TBX1: variants seen among roughly 807,000 people sequenced by gnomAD.
TBX1 encodes T-box transcription factor 1.
TBX1 carries 16 observed loss-of-function variants against 40.8 expected under a neutral mutation model. The ratio of observed to expected loss-of-function variants is 0.39; its 90% CI spans 0.27 to 0.60. The LOEUF (loss-of-function observed/expected upper bound fraction) is 0.60. Ranked by LOEUF, TBX1 falls within the 20% of genes least tolerant of loss-of-function variation. TBX1 has a pLI of 0.51. For synonymous variants in TBX1, 403 were observed against 336.8 expected (o/e 1.20, Z -2.15); for missense variants, 755 against 728.5 (o/e 1.04, Z -0.42).
downstream of TBX1, among the ~76,000 whole-genome samples, chr22:19,768,212 T>A (rs746066692): frequency 6.6e-6 from 1 of 152,218 alleles, no homozygotes; most frequent in Non-Finnish European, 1.5e-5. Flanking sequence ...TCCCAGTGTG[T>A]TTGTGGCAAC....
chr22:19,760,386 G>C (rs1159455435), upstream of TBX1, among the ~76,000 whole-genome samples: 1 of 149,770 alleles, frequency 6.7e-6, no homozygotes, highest in African/African-American at 2.4e-5. Context: ...AGAAACTACA[G>C]AGATAGGGGA....
chr22:19,772,540 T>C (rs1221776335), intron 8 of TBX1, among the ~76,000 whole-genome samples: 1 of 152,182 alleles, frequency 6.6e-6, no homozygotes, highest in Non-Finnish European at 1.5e-5. Flanking sequence ...CCTCTTGAAC[T>C]CTTGGCCTCA....
Position 19,765,713 on chromosome 22 carries a change from A to C in TBX1, c.868-45A>C, listed in dbSNP as rs780894151. The C allele has an allele frequency of 1.9e-6, 3 of 1,606,970 alleles. No individual in the cohort carries two copies. The African/African-American group carries it at 4.0e-5, about 22-fold the overall frequency. On this transcript the variant is annotated intron_variant, in intron 4 of 6. Transcript: ENST00000649276. ...ATCCTCCGCCGAGGTCGGGTGGCCC[A>C]GGCTGCAGGGCTCCAGCGGCTTGCT... is the stretch of plus-strand genomic sequence containing the variant.
intron 8 of TBX1, among the ~76,000 whole-genome samples, chr22:19,773,590 C>G (rs1283678385): frequency 2.0e-5 from 3 of 152,208 alleles, no homozygotes; most frequent in Non-Finnish European, 2.9e-5. Context: ...GAGCCCATGC[C>G]CAGTCACTGC....
chr22:19,774,956 T>C (rs1162618052), intron 8 of TBX1, among the ~76,000 whole-genome samples: 1 of 152,190 alleles, frequency 6.6e-6, no homozygotes, highest in Non-Finnish European at 1.5e-5. Context: ...ACATTCTTTA[T>C]TTTTTGTAGA....
chr22:19,777,136 G>T (rs1937077975), intron 8 of TBX1, among the ~76,000 whole-genome samples: 1 of 152,018 alleles, frequency 6.6e-6, no homozygotes, highest in African/African-American at 2.4e-5. Flanking sequence ...ATGTATACAT[G>T]TGCCATGTTG....
Position 19,764,923 on chromosome 22 carries a change from C to T in TBX1, c.712-35C>T, listed in dbSNP as rs763505950. Reference sequence around the variant, plus strand: ...CCACCCCAGATCCTCAGCCCAGCCCCACCGCTGGAGCTGATTCCCCACCTT... The same window carrying T: ...CCACCCCAGATCCTCAGCCCAGCCCTACCGCTGGAGCTGATTCCCCACCTT... On this transcript the variant is annotated intron_variant, in intron 3 of 6. Coordinates refer to ENST00000649276, the MANE Select transcript of TBX1 (RefSeq NM_001379200.1). 9 of 1,613,220 alleles carry T rather than the reference C, an allele frequency of 5.6e-6. No homozygotes were observed. In the African/African-American group the frequency reaches 6.7e-5, roughly 12 times the overall value.
downstream of TBX1, among the ~76,000 whole-genome samples, chr22:19,780,007 G>A (rs1241313746): frequency 2.6e-5 from 4 of 152,212 alleles, no homozygotes; most frequent in Admixed American, 1.3e-4. Context: ...TAAAATTGAC[G>A]TATTTATTGT....
intron 2 of TBX1, 31 bp from the exon 3 acceptor site, chr22:19,764,124 A>G: frequency 6.2e-7 from 1 of 1,611,846 alleles, no homozygotes; most frequent in Non-Finnish European, 8.5e-7. Flanking sequence ...GTTCACCTCC[A>G]CATGCACGAC....
downstream of TBX1, among the ~76,000 whole-genome samples, chr22:19,780,730 A>G (rs1224856981): frequency 1.4e-5 from 2 of 141,634 alleles, no homozygotes; most frequent in East Asian, 4.2e-4. Flanking sequence ...TTACATTCCC[A>G]CCAATAGCGC....
chr22:19,766,826 G>T lies in TBX1; in HGVS notation c.1474G>T (p.Gly492Ter), dbSNP rs541198585. 1 of 1,558,754 alleles carries T rather than the reference G, an allele frequency of 6.4e-7. No individual in the cohort carries two copies. The highest frequency in any genetic ancestry group is 1.1e-5 in the South Asian group (1 of 87,250). The change falls in exon 7 of 7, where the codon GGA (glycine) becomes TGA (stop). Residue 492 changes from glycine to a stop codon, truncating the protein, a stop_gained. Transcript: ENST00000649276. LOFTEE classifies it high-confidence loss of function. The part of the protein sequence containing the change: ...AAAANMYSSA[G>*]AAPPGSYDYC... ...GGCCGCCAACATGTACTCGTCGGCC[G>T]GAGCCGCGCCGCCCGGCTCCTACGA...
rs189300213 is a variant in TBX1, at chr22:19,777,111, G to A, written c.1010-2109G>A. ...GTTTTAGGGTACATGTGCACAACAT[G>A]CAGGTTTGTTACATATGTATACATG... On this transcript the variant is annotated intron_variant, in intron 8 of 8. Coordinates refer to the TBX1 transcript ENST00000329705. Among the ~76,000 whole-genome samples the A allele has an allele frequency of 6.5e-3, 995 of 152,066 alleles. 6 individuals are homozygous for A. The highest frequency in any genetic ancestry group is 0.015 in the African/African-American group (625 of 41,464).
At chr22:19,771,396 C>T (rs778481218), downstream of TBX1, among the ~76,000 whole-genome samples, 4 of 152,212 alleles carry the variant, frequency 2.6e-5, no homozygotes, top group Non-Finnish European at 4.4e-5. Flanking sequence ...GATGAAACTC[C>T]GGAGACTCAG....
upstream of TBX1, among the ~76,000 whole-genome samples, chr22:19,759,256 G>C (rs186890519): frequency 4.6e-5 from 7 of 152,236 alleles, no homozygotes; most frequent in Non-Finnish European, 8.8e-5. Flanking sequence ...AGGGGGCAGG[G>C]AGCTTGGAAA....
At chr22:19,758,368 G>T (rs41299451), upstream of TBX1, among the ~76,000 whole-genome samples, 4,532 of 152,312 alleles carry the variant, frequency 0.03, 105 homozygotes, top group Non-Finnish European at 0.045. Flanking sequence ...TTGACACCCA[G>T]CTGGAGAGGC....
At chr22:19,779,214 AC>A (rs1171566904) in intron 8 of TBX1, 1 of 1,614,196 alleles carries the variant, frequency 6.2e-7, no homozygotes. Flanking sequence ...TGGGGTTGTC[AC>A]CCAGGTGGAC....
At chr22:19,770,537 C>T (rs767033375), downstream of TBX1, among the ~76,000 whole-genome samples, 25 of 152,310 alleles carry the variant, frequency 1.6e-4, no homozygotes, top group Admixed American at 2.6e-4. Flanking sequence ...GGCTTGGCTG[C>T]GGGACAAGGC....
chr22:19,770,027 G>C (rs1936962329), downstream of TBX1, among the ~76,000 whole-genome samples: 1 of 152,162 alleles, frequency 6.6e-6, no homozygotes, highest in African/African-American at 2.4e-5. Flanking sequence ...TATGGTGTAG[G>C]GGATAGGGGG....
At chr22:19,759,692 C>T (rs1183600949), upstream of TBX1, 1 of 1,612,000 alleles carries the variant, frequency 6.2e-7, no homozygotes, top group South Asian at 1.1e-5. Context: ...GCCTCCAGGC[C>T]GTGTCTACAC....
Sources: allele counts gnomAD v4.1 joint callset (sites outside exome capture counted in the v4.1 genomes callset), GRCh38; gene constraint gnomAD v4.1.1; transcripts MANE v1.5; gene names NCBI Gene and HGNC (gene_info 2026-07-23, HGNC 2026-07-21).